KDM1A: variants seen among roughly 807,000 people sequenced by gnomAD.
KDM1A encodes the protein lysine-specific histone demethylase 1A.
KDM1A carries 49 observed loss-of-function variants against 109.4 expected under a neutral mutation model. That is an observed-to-expected ratio of 0.45 (90% CI 0.36 to 0.57). The LOEUF (loss-of-function observed/expected upper bound fraction) is 0.57, where lower values mean the gene tolerates loss of function less well. Among genes scored for constraint, KDM1A ranks in the 20% least tolerant of loss-of-function variants. The pLI is 0.00. For missense variants in KDM1A, 668 were observed against 1,116.6 expected (o/e 0.60, Z 5.73); for synonymous variants, 380 against 415.4 (o/e 0.91, Z 1.04).
Position 23,083,259 on chromosome 1 carries a change from G to C in KDM1A, c.2526G>C (p.Gly842=), listed in dbSNP as rs1364367253. The change falls in exon 21 of 21, where the codon GGG becomes GGC. Residue 842 remains glycine (G), a synonymous_variant. Coordinates refer to ENST00000400181, the MANE Select transcript of KDM1A (RefSeq NM_001009999.3). The part of the protein sequence containing the change: ...PATVHGALLS[G]LREAGRIADQ... ...CAGTGCATGGTGCTCTGCTGAGTGG[G>C]CTGCGAGAAGCGGGAAGAATTGCAG... is the stretch of plus-strand genomic sequence containing the variant. 3 of 1,614,010 alleles carry C rather than the reference G, an allele frequency of 1.9e-6. No individual in the cohort carries two copies. The highest frequency in any genetic ancestry group is 1.7e-6 in the Non-Finnish European group (2 of 1,179,986).
chr1:23,020,022 C>T (rs932502969), intron 1 of KDM1A, 75 bp downstream of exon 1: 2 of 1,377,448 alleles, frequency 1.5e-6, no homozygotes, highest in Non-Finnish European at 1.9e-6. Flanking sequence ...CCTCCCCCGC[C>T]GCCGCCGGGT....
chr1:23,081,679 G>T, intron 19 of KDM1A, 106 bp downstream of exon 19: 1 of 1,328,792 alleles, frequency 7.5e-7, no homozygotes, highest in Non-Finnish European at 1.0e-6. Context: ...TAGAATTGAG[G>T]TCTGTGCTTT....
At chr1:23,043,450 T>C (rs1299328991) in intron 2 of KDM1A, among the ~76,000 whole-genome samples, 1 of 152,260 alleles carries the variant, frequency 6.6e-6, no homozygotes, top group East Asian at 1.9e-4. Flanking sequence ...AATGGTGGAA[T>C]AATCAATCTG....
chr1:23,046,608 C>T (rs560349587), intron 3 of KDM1A, among the ~76,000 whole-genome samples: 13 of 152,194 alleles, frequency 8.5e-5, no homozygotes, highest in Non-Finnish European at 1.6e-4. Context: ...GAATAGAGGA[C>T]CTGTCATCTC....
intron 3 of KDM1A, among the ~76,000 whole-genome samples, chr1:23,044,714 G>C (rs141718127): frequency 6.6e-6 from 1 of 152,116 alleles, no homozygotes; most frequent in Admixed American, 6.6e-5. Flanking sequence ...TTGTGTTTTC[G>C]AGGAGATGGC....
At chr1:23,050,724 A>C (rs970580595) in intron 4 of KDM1A, among the ~76,000 whole-genome samples, 1 of 152,172 alleles carries the variant, frequency 6.6e-6, no homozygotes, top group Non-Finnish European at 1.5e-5. Context: ...CATAAAATTG[A>C]GATCCTTCTT....
At chr1:23,047,906 CAA>C (rs565109473) in intron 3 of KDM1A, among the ~76,000 whole-genome samples, 10 of 71,328 alleles carry the variant, frequency 1.4e-4, no homozygotes, top group East Asian at 3.8e-4. Flanking sequence ...TTCCCCCTGC[CAA>C]AAAAAAAAAA....
At chr1:23,045,922 A>G (rs1642490302) in intron 3 of KDM1A, among the ~76,000 whole-genome samples, 1 of 152,128 alleles carries the variant, frequency 6.6e-6, no homozygotes, top group African/African-American at 2.4e-5. Flanking sequence ...CTTGTAAGAG[A>G]TCAACATTCT....
chr1:23,066,176 C>A, intron 10 of KDM1A, 105 bp downstream of exon 10: 1 of 785,064 alleles, frequency 1.3e-6, no homozygotes, highest in South Asian at 1.6e-5. Flanking sequence ...CTCCATCATA[C>A]ATTCACACTG....
intron 15 of KDM1A, among the ~76,000 whole-genome samples, chr1:23,074,996 A>G (rs1295009616): frequency 6.6e-6 from 1 of 152,220 alleles, no homozygotes; most frequent in Non-Finnish European, 1.5e-5. Context: ...CAGTTTTAGA[A>G]TCAACTTGTC....
At chr1:23,077,112 C>G (rs773446779) in intron 15 of KDM1A, 116 bp from the exon 16 acceptor site, 33 of 983,226 alleles carry the variant, frequency 3.4e-5, no homozygotes, top group African/African-American at 6.5e-5. Flanking sequence ...TTTAGTTTGC[C>G]TTAAAATATT....
At chr1:23,059,321 T>A in intron 9 of KDM1A, 154 bp downstream of exon 9, 1 of 724,142 alleles carries the variant, frequency 1.4e-6, no homozygotes, top group Non-Finnish European at 2.5e-6. Flanking sequence ...TTATTCTGGT[T>A]GTTTCTTAAC....
intron 3 of KDM1A, among the ~76,000 whole-genome samples, chr1:23,046,920 T>G (rs1193858215): frequency 6.6e-6 from 1 of 152,236 alleles, no homozygotes. Flanking sequence ...TTCTAAATTT[T>G]CAGAATACCA....
In KDM1A at chr1:23,079,531, A is replaced by C. The variant is rs1224314449; in HGVS notation, c.2056-22A>C. 1 of 1,587,606 alleles carries C rather than the reference A, an allele frequency of 6.3e-7. No individual in the cohort carries two copies. Among genetic ancestry groups the C allele is most frequent in the Non-Finnish European group, 8.6e-7 (1 of 1,158,728 alleles). On this transcript the variant is annotated intron_variant, in intron 17 of 20. Coordinates refer to ENST00000400181, the MANE Select transcript of KDM1A (RefSeq NM_001009999.3). This position sits in a 1 kb window ranked among gnomAD's most constrained non-coding sequence, Gnocchi z 5.6. ...ATTATCTGGCCCCTGTCACTGGCTC[A>C]TGTGCTTCTTTCTTATGGTAGGTGG...
At chr1:23,039,967 G>A (rs746984259) in intron 2 of KDM1A, among the ~76,000 whole-genome samples, 3 of 152,188 alleles carry the variant, frequency 2.0e-5, no homozygotes, top group Non-Finnish European at 2.9e-5. Context: ...CAATTAGTGC[G>A]TTAATACGGT....
intron 2 of KDM1A, among the ~76,000 whole-genome samples, chr1:23,037,971 C>T (rs1311054945): frequency 6.6e-6 from 1 of 152,172 alleles, no homozygotes; most frequent in South Asian, 2.1e-4. Context: ...AATAGAAGAA[C>T]AAGATTTGTA....
chr1:23,044,886 C>T (rs1192937257), intron 3 of KDM1A, among the ~76,000 whole-genome samples: 2 of 152,086 alleles, frequency 1.3e-5, no homozygotes, highest in African/African-American at 4.8e-5. Context: ...GACTGAGAGG[C>T]ATTCTAGGAC....
At chr1:23,025,869 A>T (rs1641782259) in intron 1 of KDM1A, among the ~76,000 whole-genome samples, 1 of 152,072 alleles carries the variant, frequency 6.6e-6, no homozygotes. Flanking sequence ...AGGTGGACAG[A>T]TCGATTGAGC....
chr1:23,020,031 G>A, intron 1 of KDM1A, 84 bp downstream of exon 1: 8 of 1,355,558 alleles, frequency 5.9e-6, no homozygotes, highest in Admixed American at 3.6e-5. Flanking sequence ...CCGCCGCCGG[G>A]TCTTGGGCCC....
Sources: allele counts gnomAD v4.1 joint callset (sites outside exome capture counted in the v4.1 genomes callset), GRCh38; gene constraint gnomAD v4.1.1; non-coding constraint Gnocchi (gnomAD v3.1); transcripts MANE v1.5; gene names NCBI Gene and HGNC (gene_info 2026-07-23, HGNC 2026-07-21).